Variants in FAM227B observed in about 807,000 individuals in gnomAD.
FAM227B encodes protein FAM227B.
A neutral mutation model predicts 73.8 loss-of-function variants in FAM227B; 88 were observed. The observed-to-expected ratio is 1.19, with a 90% CI of 1.00 to 1.42. The LOEUF (loss-of-function observed/expected upper bound fraction) is 1.42, where lower values mean the gene tolerates loss of function less well. FAM227B is among the 40% of genes most tolerant of loss of function. The pLI is 0.00. For missense variants in FAM227B, 632 were observed against 590.9 expected (o/e 1.07, Z -0.72); for synonymous variants, 210 against 190.5 (o/e 1.10, Z -0.84).
At chr15:49,518,327 T>C (rs1021551858) in intron 10 of FAM227B, among the ~76,000 whole-genome samples, 5 of 152,180 alleles carry the variant, frequency 3.3e-5, no homozygotes, top group Admixed American at 1.3e-4. Context: ...GGTGGTTGAA[T>C]GCCAGTACTC....
intron 10 of FAM227B, among the ~76,000 whole-genome samples, chr15:49,536,464 A>C (rs1292268664): frequency 6.6e-6 from 1 of 151,940 alleles, no homozygotes; most frequent in Non-Finnish European, 1.5e-5. Flanking sequence ...AGAAGAATCA[A>C]TATGGTTAAT....
intron 11 of FAM227B, among the ~76,000 whole-genome samples, chr15:49,418,128 C>T (rs959295324): frequency 6.6e-6 from 1 of 152,144 alleles, no homozygotes; most frequent in African/African-American, 2.4e-5. Context: ...TATCTCAGAT[C>T]AGTCAGAATG....
intron 9 of FAM227B, among the ~76,000 whole-genome samples, chr15:49,566,859 G>T (rs991833380): frequency 1.3e-5 from 2 of 152,016 alleles, no homozygotes; most frequent in African/African-American, 4.8e-5. Flanking sequence ...TCAGAATCCA[G>T]AAAAAATCAA....
intron 11 of FAM227B, chr15:49,396,364 T>A: frequency 7.3e-6 from 2 of 272,432 alleles, no homozygotes; most frequent in South Asian, 6.2e-5. Flanking sequence ...GGAGTCTCGC[T>A]GATTGCTAGC....
At chr15:49,574,953 G>T in intron 8 of FAM227B, 58 bp downstream of exon 8, 1 of 1,140,288 alleles carries the variant, frequency 8.8e-7, no homozygotes, top group Non-Finnish European at 1.3e-6. Flanking sequence ...TATCTCTATT[G>T]AAAAATTAAT....
At position 49,395,271 on chromosome 15, in the gene FAM227B, G is replaced by A. The variant is rs550140213; in HGVS notation, c.1013-23872C>T. On this transcript the variant is annotated intron_variant, in intron 11 of 15. Transcript: ENST00000299338. Reference sequence around the variant, plus strand: ...GGTTTTAAGGTTTTTTTTGTAAGAAGAATAAAGATGGTTTAAAAAAATCAC... The same window carrying A: ...GGTTTTAAGGTTTTTTTTGTAAGAAAAATAAAGATGGTTTAAAAAAATCAC... Among the ~76,000 whole-genome samples the A allele has an allele frequency of 3.3e-5, 5 of 151,956 alleles. No homozygotes were observed. In the South Asian group the frequency reaches 1.0e-3, roughly 32 times the overall value.
chr15:49,476,937 G>A (rs36114417), intron 11 of FAM227B, among the ~76,000 whole-genome samples: 7,909 of 152,106 alleles, frequency 0.052, 354 homozygotes, highest in East Asian at 0.23. Flanking sequence ...GCGGGTGCCT[G>A]TAGTCCCAGC....
At chr15:49,424,353 T>A (rs1303269688) in intron 11 of FAM227B, 2 of 1,613,554 alleles carry the variant, frequency 1.2e-6, no homozygotes, top group Non-Finnish European at 1.7e-6. Context: ...AGATCATGCT[T>A]TCACATTATC....
intron 11 of FAM227B, among the ~76,000 whole-genome samples, chr15:49,470,812 G>C (rs1199932002): frequency 1.3e-5 from 2 of 152,204 alleles, no homozygotes; most frequent in African/African-American, 2.4e-5. Flanking sequence ...TCACTTTCTA[G>C]AAGATCAATG....
At chr15:49,447,129 G>A (rs1223935717) in intron 11 of FAM227B, among the ~76,000 whole-genome samples, 1 of 151,596 alleles carries the variant, frequency 6.6e-6, no homozygotes, top group African/African-American at 2.4e-5. Flanking sequence ...TTCCTACACT[G>A]ATATAAGGCT....
At chr15:49,370,435 G>C (rs2045731959) in intron 12 of FAM227B, among the ~76,000 whole-genome samples, 1 of 152,208 alleles carries the variant, frequency 6.6e-6, no homozygotes, top group African/African-American at 2.4e-5. Flanking sequence ...AGGAAATGGA[G>C]TGACATTGTC....
At chr15:49,456,084 A>T (rs1253097277) in intron 11 of FAM227B, among the ~76,000 whole-genome samples, 3 of 152,162 alleles carry the variant, frequency 2.0e-5, no homozygotes, top group Non-Finnish European at 2.9e-5. Context: ...CTTATAAGAC[A>T]TTCTAAAATG....
At chr15:49,551,045 C>T (rs1462780039) in intron 9 of FAM227B, among the ~76,000 whole-genome samples, 6 of 152,356 alleles carry the variant, frequency 3.9e-5, no homozygotes, top group Non-Finnish European at 8.8e-5. Context: ...CCCGGGAGGC[C>T]GAGGCTGGCG....
At chr15:49,497,247 G>C (rs1393115674) in intron 11 of FAM227B, among the ~76,000 whole-genome samples, 1 of 152,156 alleles carries the variant, frequency 6.6e-6, no homozygotes, top group Non-Finnish European at 1.5e-5. Context: ...AGGGACTATA[G>C]TATAGGAAAG....
intron 5 of FAM227B, among the ~76,000 whole-genome samples, chr15:49,583,181 C>A (rs556693302): frequency 6.6e-6 from 1 of 150,804 alleles, no homozygotes; most frequent in East Asian, 1.9e-4. Context: ...ATCAACAAAT[C>A]CAGGACAACT....
chr15:49,555,060 C>T (rs2073500219), intron 9 of FAM227B, among the ~76,000 whole-genome samples: 1 of 152,116 alleles, frequency 6.6e-6, no homozygotes, highest in Non-Finnish European at 1.5e-5. Context: ...TTAATTGAGG[C>T]ATTTAGCCCA....
chr15:49,346,323 ACATATG>A (rs1252696030), intron 13 of FAM227B, among the ~76,000 whole-genome samples: 1 of 152,162 alleles, frequency 6.6e-6, no homozygotes, highest in Non-Finnish European at 1.5e-5. Flanking sequence ...GATTTTCTAT[ACATATG>A]TCCTACAAAA....
rs531487190 is a variant in FAM227B, at chr15:49,494,626, A to C, written c.1012+13585T>G. On this transcript the variant is annotated intron_variant, in intron 11 of 15. Coordinates refer to ENST00000299338, the MANE Select transcript of FAM227B (RefSeq NM_152647.3). ...AGTATTCATACCAGTCTAGAGGTGT[A>C]TGGTAGGTATATGTATGCCTGCTAC... Among the ~76,000 whole-genome samples the C allele has an allele frequency of 9.9e-5, 15 of 152,070 alleles. No individual in the cohort carries two copies. The East Asian group carries it at 2.5e-3, about 25-fold the overall frequency.
Position 49,328,152 on chromosome 15 carries a change from A to G in FAM227B, c.*416T>C, listed in dbSNP as rs1376972105. On this transcript the variant is annotated 3_prime_UTR_variant, in exon 16 of 16. Transcript: ENST00000299338. ...GGAGGTGGGGCTTTGGTTTTGCTTGAGGCCTGAAAAAATGTAAAAAGTCTG... is the reference window on the plus strand; with the variant it reads ...GGAGGTGGGGCTTTGGTTTTGCTTGGGGCCTGAAAAAATGTAAAAAGTCTG... 6.2e-7 allele frequency: 1 copy of G among 1,613,096 alleles called. No individual in the cohort carries two copies. The highest frequency in any genetic ancestry group is 8.5e-7 in the Non-Finnish European group (1 of 1,179,494).
Sources: allele counts gnomAD v4.1 joint callset (sites outside exome capture counted in the v4.1 genomes callset), GRCh38; gene constraint gnomAD v4.1.1; transcripts MANE v1.5; gene names NCBI Gene and HGNC (gene_info 2026-07-23, HGNC 2026-07-21).